GABRB3: variants seen among roughly 807,000 people sequenced by gnomAD.
GABRB3 encodes the protein gamma-aminobutyric acid type A receptor subunit beta3.
GABRB3 carries 14 observed loss-of-function variants against 52.1 expected under a neutral mutation model. The ratio of observed to expected loss-of-function variants is 0.27; its 90% confidence interval spans 0.18 to 0.42. The LOEUF (loss-of-function observed/expected upper bound fraction) is 0.42, where lower values mean the gene tolerates loss of function less well. Among genes scored for constraint, GABRB3 ranks in the 10% least tolerant of loss-of-function variants. GABRB3 has a pLI of 1.00. For missense variants in GABRB3, 307 were observed against 609.1 expected, an observed-to-expected ratio of 0.50 and a Z score of 5.22; for synonymous variants, 260 against 232.3, an observed-to-expected ratio of 1.12 and a Z score of -1.08.
chr15:26,741,015 T>C (rs1460518364), intron 3 of GABRB3, among the ~76,000 whole-genome samples: 1 of 150,666 alleles, frequency 6.6e-6, no homozygotes, highest in Non-Finnish European at 1.5e-5. Flanking sequence ...TCCTCACCTG[T>C]AGAATGGCAG....
Position 26,599,580 on chromosome 15 carries a change from T to C in GABRB3, c.462-16166A>G, listed in dbSNP as rs1329509879. Among the ~76,000 whole-genome samples, 3 of 152,168 alleles carry C rather than the reference T, an allele frequency of 2.0e-5. No homozygotes were observed. The East Asian group carries it at 5.8e-4, about 29-fold the overall frequency. On this transcript the variant is annotated intron_variant, in intron 4 of 8. Transcript: ENST00000311550. The stretch of plus-strand genomic sequence containing the variant: ...CAGAGAGTAGAGCACAGTCAGCAGC[T>C]TCATTCAACCTCAAAGCAAAGGCAG...
intron 7 of GABRB3, among the ~76,000 whole-genome samples, chr15:26,562,620 C>T (rs1890032403): frequency 6.6e-6 from 1 of 152,192 alleles, no homozygotes; most frequent in Non-Finnish European, 1.5e-5. Context: ...CTAAGCATTC[C>T]AATTTCATGC....
In GABRB3 at chr15:26,629,149, G is replaced by A; in HGVS notation, c.241-7615C>T. ...GAGGCTGAAGCTCGGGGAGGCGCAG[G>A]GGCGGAGTGTGGGGAGAAGCAGCTC... On this transcript the variant is annotated intron_variant, in intron 3 of 8. Transcript: ENST00000311550. 4 of 1,513,106 alleles carry A rather than the reference G, an allele frequency of 2.6e-6. No individual in the cohort carries two copies. In the East Asian group the frequency reaches 9.9e-5, roughly 38 times the overall value. The allele number at this position is 1,513,106 out of a possible 1,614,324, so 93.7% of individuals were successfully genotyped here. A position where few individuals can be genotyped will look rare whatever the true frequency, so the allele number is the denominator to read the frequency against.
At chr15:26,661,615 A>T (rs1266476190) in intron 3 of GABRB3, among the ~76,000 whole-genome samples, 1 of 152,162 alleles carries the variant, frequency 6.6e-6, no homozygotes, top group East Asian at 1.9e-4. Context: ...GGAAAGGCTT[A>T]CACGCACAAG....
At chr15:26,678,289 G>A (rs1452704477) in intron 3 of GABRB3, among the ~76,000 whole-genome samples, 2 of 152,154 alleles carry the variant, frequency 1.3e-5, no homozygotes, top group African/African-American at 4.8e-5. Flanking sequence ...CTATGCTTAG[G>A]CTGCTGACAA....
intron 3 of GABRB3, among the ~76,000 whole-genome samples, chr15:26,745,508 C>T (rs989496868): frequency 1.3e-5 from 2 of 152,126 alleles, no homozygotes; most frequent in African/African-American, 4.8e-5. Flanking sequence ...TGGGCAGGAA[C>T]AGCTATAGGT....
chr15:26,664,701 T>TTTC (rs1887651563), intron 3 of GABRB3, among the ~76,000 whole-genome samples: 2 of 116,584 alleles, frequency 1.7e-5, no homozygotes, highest in Non-Finnish European at 3.5e-5. Flanking sequence ...TTTTCTTTTC[T>TTTC]TTGTTTTTTT....
At chr15:26,709,511 C>CTT (rs1340109061) in intron 3 of GABRB3, among the ~76,000 whole-genome samples, 3 of 112,486 alleles carry the variant, frequency 2.7e-5, no homozygotes, top group African/African-American at 8.6e-5. Flanking sequence ...TCTTTTTTTT[C>CTT]TTTCTTTTTT....
intron 4 of GABRB3, among the ~76,000 whole-genome samples, chr15:26,587,236 G>A (rs1254740524): frequency 6.6e-6 from 1 of 152,008 alleles, no homozygotes; most frequent in African/African-American, 2.4e-5. Context: ...TAAAAAAATG[G>A]AGCCACTTTT....
intron 4 of GABRB3, among the ~76,000 whole-genome samples, chr15:26,597,255 T>C (rs1173840246): frequency 6.6e-6 from 1 of 152,196 alleles, no homozygotes; most frequent in Non-Finnish European, 1.5e-5. Flanking sequence ...TTGGATAGTT[T>C]ATCTAGGAAA....
chr15:26,758,988 T>C (rs1890737583), intron 3 of GABRB3, among the ~76,000 whole-genome samples: 1 of 152,188 alleles, frequency 6.6e-6, no homozygotes, highest in South Asian at 2.1e-4. Flanking sequence ...GGTCACTGGC[T>C]ACTTCCAAGT....
At chr15:26,614,561 G>C (rs1435876922) in intron 4 of GABRB3, 1 of 152,108 alleles carries the variant, frequency 6.6e-6, no homozygotes, top group East Asian at 1.9e-4. Flanking sequence ...ATGCTTTTTA[G>C]TTGCATAATT....
chr15:26,591,722 C>A (rs1440395942), intron 4 of GABRB3, among the ~76,000 whole-genome samples: 1 of 152,216 alleles, frequency 6.6e-6, no homozygotes, highest in Non-Finnish European at 1.5e-5. Context: ...GTCACTCCAA[C>A]TATCTGGATC....
In GABRB3 at chr15:26,567,753, A is replaced by G; in HGVS notation, c.683-20T>C. ...AGGCACCTATGGGAAACAGACAAGG[A>G]TATTACACTGGAGAAACAACATGGC... is the stretch of plus-strand genomic sequence containing the variant. On this transcript the variant is annotated intron_variant, in intron 6 of 8. Transcript: ENST00000311550. 1.2e-6 allele frequency: 2 copies of G among 1,612,826 alleles called. No homozygotes were observed. Among genetic ancestry groups the G allele is most frequent in the Middle Eastern group, 1.7e-4 (1 of 6,060 alleles).
intron 3 of GABRB3, among the ~76,000 whole-genome samples, chr15:26,687,337 C>T (rs1445297857): frequency 6.6e-6 from 1 of 152,182 alleles, no homozygotes; most frequent in East Asian, 1.9e-4. Flanking sequence ...TTTCAAAGAG[C>T]TTTATTAAAT....
chr15:26,682,265 G>A (rs557802010), intron 3 of GABRB3, among the ~76,000 whole-genome samples: 2 of 152,268 alleles, frequency 1.3e-5, no homozygotes, highest in East Asian at 3.9e-4. Flanking sequence ...ATCCTGGGAT[G>A]AGCGCTTCAA....
rs537158362 is a variant in GABRB3 at position 26,558,847 on chromosome 15, AAAAG to A, written c.1080+2081_1080+2084del. 5.6e-3 allele frequency among the ~76,000 whole-genome samples: 849 copies of A among 151,948 alleles called. 10 individuals carry two copies. The highest frequency in any genetic ancestry group is 0.02 in the African/African-American group (806 of 41,288). On this transcript the variant is annotated intron_variant, in intron 8 of 8. Coordinates refer to ENST00000311550, the MANE Select transcript of GABRB3 (RefSeq NM_000814.6). ...GAGCGAAACTCCATCTCAAAAAAAA[AAAAG>A]AAAGAAAGAAAGAAATACCTGAGAC...
intron 3 of GABRB3, among the ~76,000 whole-genome samples, chr15:26,693,452 G>GA (rs1888645635): frequency 6.6e-6 from 1 of 152,112 alleles, no homozygotes; most frequent in South Asian, 2.1e-4. Context: ...TTGTTGGCCT[G>GA]GTATGAGGAG....
intron 8 of GABRB3, among the ~76,000 whole-genome samples, chr15:26,554,661 C>T (rs936927652): frequency 7.9e-5 from 12 of 152,142 alleles, no homozygotes; most frequent in African/African-American, 2.7e-4. Flanking sequence ...GTTACAAGAG[C>T]ACGTGTACCA....
Sources: allele counts gnomAD v4.1 joint callset (sites outside exome capture counted in the v4.1 genomes callset), GRCh38; gene constraint gnomAD v4.1.1; transcripts MANE v1.5; gene names NCBI Gene and HGNC (gene_info 2026-07-23, HGNC 2026-07-21).